The following INPP5F variants were observed in gnomAD, a reference collection of about 807,000 sequenced individuals.
INPP5F encodes the protein phosphatidylinositide 4-phosphatase SAC2.
In INPP5F, 97 loss-of-function variants were observed where a neutral mutation model predicts 137.2. That is an observed-to-expected ratio of 0.71 (90% CI 0.60 to 0.84). The LOEUF is 0.84. Ranked by LOEUF, INPP5F falls within the 40% of genes least tolerant of loss-of-function variation. The pLI, the probability that INPP5F is intolerant of heterozygous loss-of-function variation, is 0.00. For synonymous variants in INPP5F, 504 were observed against 476.9 expected, an observed-to-expected ratio of 1.06 and a Z score of -0.74; for missense variants, 1,271 against 1,371.9, an observed-to-expected ratio of 0.93 and a Z score of 1.16.
At position 119,741,107 on chromosome 10, in the gene INPP5F, G is replaced by A. The variant is rs922792407; in HGVS notation, c.98-9969G>A. ...GGTTCAGAGACTGTAGTAGAGCTAG[G>A]ATTCTTCACCCAGGACACCAAATGC... On this transcript the variant is annotated intron_variant, in intron 1 of 19. Transcript: ENST00000650623. Among the ~76,000 whole-genome samples, 32 of 152,170 alleles carry A rather than the reference G, an allele frequency of 2.1e-4. 1 individual carries two copies. Among genetic ancestry groups the A allele is most frequent in the Non-Finnish European group, 2.9e-5 (2 of 68,036 alleles).
intron 19 of INPP5F, among the ~76,000 whole-genome samples, chr10:119,824,856 C>G (rs1286094246): frequency 6.6e-6 from 1 of 152,178 alleles, no homozygotes; most frequent in East Asian, 1.9e-4. Context: ...TTAACCTATA[C>G]AGATTAATAA....
At chr10:119,785,302 T>TTTTTTTTTTTGG (rs1554889600) in intron 3 of INPP5F, among the ~76,000 whole-genome samples, 1 of 147,634 alleles carries the variant, frequency 6.8e-6, no homozygotes, top group East Asian at 2.0e-4. Context: ...TTTTTTTTTT[T>TTTTTTTTTTTGG]GGAGACGGAG....
rs758306205 is a variant in INPP5F at position 119,797,571 on chromosome 10, C to T, written c.979C>T (p.Arg327Ter). The change falls in exon 8 of 20, where the codon CGA becomes TGA. Residue 327 changes from arginine to a stop codon, truncating the protein, a stop_gained. Transcript: ENST00000650623. LOFTEE classifies it high-confidence loss of function. ...HNHTLSFVQT[R>*]GSVPVFWSQV... is the part of the protein sequence containing the mutation. ...TCATACCCTGTCATTTGTTCAAACACGAGGCTCTGTGCCTGTCTTTTGGAG... is the reference window on the plus strand; with the variant it reads ...TCATACCCTGTCATTTGTTCAAACATGAGGCTCTGTGCCTGTCTTTTGGAG... The T allele has an allele frequency of 1.1e-5, 17 of 1,613,246 alleles. No homozygotes were observed. The highest frequency in any genetic ancestry group is 5.5e-5 in the South Asian group (5 of 90,772).
rs1243002347 is a variant in INPP5F, at chr10:119,812,980, A to C, written c.1886+1025A>C. On this transcript the variant is annotated intron_variant, in intron 15 of 19. Transcript: ENST00000650623. ...AAATAACTGCTGGCAGCACACCTGC[A>C]TTTTCCTTGAGTTTTAACTGCACTT... is the stretch of plus-strand genomic sequence containing the variant. Among the ~76,000 whole-genome samples the C allele has an allele frequency of 2.0e-5, 3 of 151,876 alleles. No homozygotes were observed. The East Asian group carries it at 5.8e-4, about 29-fold the overall frequency.
rs1204599367 is a variant in INPP5F, at chr10:119,804,390, TAAAA to T, written c.1241+95_1241+98del. On this transcript the variant is annotated intron_variant, in intron 10 of 19. Coordinates refer to ENST00000650623, the MANE Select transcript of INPP5F (RefSeq NM_014937.4). The stretch of plus-strand genomic sequence containing the variant: ...CTTAGTTTCTCTTCTTTGCTGGGAA[TAAAA>T]ATTTCTTCTCATTGTTGGAAAGAAA... 7.5e-6 allele frequency: 8 copies of T among 1,063,434 alleles called. No individual in the cohort carries two copies. The Admixed American group carries it at 2.3e-4, about 30-fold the overall frequency. The allele number at this position is 1,063,434 out of a possible 1,614,324, so 65.9% of individuals were successfully genotyped here. A position where few individuals can be genotyped will look rare whatever the true frequency, so the allele number is the denominator to read the frequency against.
intron 2 of INPP5F, among the ~76,000 whole-genome samples, chr10:119,751,380 G>A (rs942229353): frequency 3.3e-5 from 5 of 152,160 alleles, no homozygotes; most frequent in African/African-American, 1.2e-4. Context: ...GGAAATAAAC[G>A]TATGATTATT....
chr10:119,772,280 C>G (rs1849389330), intron 2 of INPP5F, among the ~76,000 whole-genome samples: 1 of 151,954 alleles, frequency 6.6e-6, no homozygotes, highest in South Asian at 2.1e-4. Context: ...GAAAAGAAAC[C>G]TCAGTCCAGG....
chr10:119,777,399 G>T (rs768081093), intron 2 of INPP5F, among the ~76,000 whole-genome samples: 1 of 152,150 alleles, frequency 6.6e-6, no homozygotes, highest in Non-Finnish European at 1.5e-5. Context: ...GGTGGCGGGC[G>T]CCTGTAGTCC....
chr10:119,812,164 A>G (rs750419212), intron 15 of INPP5F, among the ~76,000 whole-genome samples: 15 of 152,222 alleles, frequency 9.9e-5, no homozygotes, highest in Non-Finnish European at 1.5e-4. Flanking sequence ...TAATGAAGAA[A>G]AATATTTTAG....
chr10:119,808,749 AG>A (rs1850905187), intron 13 of INPP5F, among the ~76,000 whole-genome samples: 5 of 152,256 alleles, frequency 3.3e-5, no homozygotes. Context: ...CTGTGGCAGT[AG>A]GAAGTGTTAG....
intron 2 of INPP5F, among the ~76,000 whole-genome samples, chr10:119,762,906 A>C (rs1419467653): frequency 6.6e-6 from 1 of 152,160 alleles, no homozygotes; most frequent in Non-Finnish European, 1.5e-5. Context: ...TTAAACTCTT[A>C]ACTCATTCCA....
intron 2 of INPP5F, among the ~76,000 whole-genome samples, chr10:119,767,107 GAAAAAAAAAAAA>G (rs35875262): frequency 4.9e-5 from 2 of 40,542 alleles, no homozygotes; most frequent in Non-Finnish European, 8.0e-5. Context: ...TCTGTCTCCA[GAAAAAAAAAAAA>G]AAAAAAAAAA....
At chr10:119,775,527 A>T (rs1849495084) in intron 2 of INPP5F, among the ~76,000 whole-genome samples, 1 of 152,182 alleles carries the variant, frequency 6.6e-6, no homozygotes, top group Admixed American at 6.5e-5. Flanking sequence ...GGCCTCCCAG[A>T]GTGCTGGGAT....
In INPP5F at chr10:119,783,879, C is replaced by T. The variant is rs554475273; in HGVS notation, c.315+2108C>T. On this transcript the variant is annotated intron_variant, in intron 3 of 19. Transcript: ENST00000650623. ...TGGTTCACGTTAAGAGTTGAGTATA[C>T]GTAACGACTCTTGCTAATTGGGAGT... Among the ~76,000 whole-genome samples the T allele has an allele frequency of 4.6e-5, 7 of 152,260 alleles. No homozygotes were observed. The East Asian group carries it at 5.8e-4, about 13-fold the overall frequency.
At chr10:119,766,998 G>A (rs1214623155) in intron 2 of INPP5F, among the ~76,000 whole-genome samples, 1 of 150,118 alleles carries the variant, frequency 6.7e-6, no homozygotes, top group Admixed American at 6.7e-5. Context: ...CCAGCTACTT[G>A]GGAGGCTGAG....
intron 9 of INPP5F, among the ~76,000 whole-genome samples, chr10:119,798,812 A>T (rs1589728691): frequency 2.6e-5 from 2 of 77,058 alleles, no homozygotes; most frequent in South Asian, 5.9e-4. Context: ...TTTTTTTTTT[A>T]AAGAGACACT....
chr10:119,781,917 G>A, intron 3 of INPP5F, 146 bp downstream of exon 3: 1 of 650,950 alleles, frequency 1.5e-6, no homozygotes. Context: ...TTCCAACTTA[G>A]TAGTGGAACT....
chr10:119,750,032 G>T (rs1848647798), intron 1 of INPP5F, among the ~76,000 whole-genome samples: 1 of 152,158 alleles, frequency 6.6e-6, no homozygotes, highest in Non-Finnish European at 1.5e-5. Context: ...GCCTCCCAAA[G>T]TGCTGGGATT....
At position 119,807,987 on chromosome 10, in the gene INPP5F, G is replaced by A. The variant is rs775019768; in HGVS notation, c.1496G>A (p.Arg499His). The A allele has an allele frequency of 3.7e-6, 6 of 1,613,788 alleles. No homozygotes were observed. The highest frequency in any genetic ancestry group is 5.1e-6 in the Non-Finnish European group (6 of 1,179,898). Reference sequence around the variant, plus strand: ...CAGCCATTACCTGTGAAATGTAATCGCATCTACCAGATAATGTGGGCCAAT... The same window carrying A: ...CAGCCATTACCTGTGAAATGTAATCACATCTACCAGATAATGTGGGCCAAT... ...PEQPLPVKCN[R>H]IYQIMWANNG... The change falls in exon 13 of 20, where the codon CGC becomes CAC. Residue 499 changes from arginine (R) to histidine (H), a missense_variant. Arg to His is a conservative substitution (Grantham distance 29, BLOSUM62 0). This residue lies in a region of INPP5F where 593 missense variants were observed against 712.4 expected (regional missense o/e 0.83). Transcript: ENST00000650623.
Sources: gnomAD v4.1 joint callset for allele counts (sites outside exome capture counted in the v4.1 genomes callset) on GRCh38, gnomAD v4.1.1 for gene constraint, gnomAD v4.1.1 regional missense constraint, MANE v1.5 for transcripts, NCBI Gene and HGNC (gene_info 2026-07-23, HGNC 2026-07-21) for gene names.